MT1X: variants seen among roughly 807,000 people sequenced by gnomAD.
MT1X encodes the protein metallothionein 1X.
MT1X carries 7 observed loss-of-function variants against 8.6 expected under a neutral mutation model. The ratio of observed to expected loss-of-function variants is 0.81; its 90% confidence interval spans 0.46 to 1.52. The LOEUF (loss-of-function observed/expected upper bound fraction) is 1.52, where lower values mean the gene tolerates loss of function less well. Among genes scored for constraint, MT1X ranks in the 40% most tolerant of loss-of-function variants. MT1X has a pLI of 0.01. For missense variants in MT1X, 72 were observed against 74.3 expected (o/e 0.97, Z 0.11); for synonymous variants, 25 against 27.6 (o/e 0.91, Z 0.30).
At position 56,682,627 on chromosome 16, in the gene MT1X, C is replaced by A. The variant is rs139753640; in HGVS notation, c.28+59C>A. ...CCGTTTCCCAGCCACAGTACAGACT[C>A]TTCCTGGGTTTGAAGAAGTCGCATT... is the stretch of plus-strand genomic sequence containing the variant. On this transcript the variant is annotated intron_variant, in intron 1 of 2. Transcript: ENST00000394485. 136 of 1,600,364 alleles carry A rather than the reference C, an allele frequency of 8.5e-5. No individual in the cohort carries two copies. In the East Asian group the frequency reaches 3.0e-3, roughly 36 times the overall value.
At chr16:56,683,872 G>C in intron 2 of MT1X, 86 bp from the exon 3 acceptor site, 1 of 1,576,932 alleles carries the variant, frequency 6.3e-7, no homozygotes, top group Non-Finnish European at 8.6e-7. Context: ...TGGGGCTGGA[G>C]GCAGGGCTCG....
rs1961037145 is a variant in MT1X, at chr16:56,684,117, T to C, written c.*68T>C. 3 of 1,551,750 alleles carry C rather than the reference T, an allele frequency of 1.9e-6. No homozygotes were observed. In the East Asian group the frequency reaches 6.7e-5, roughly 35 times the overall value. ...TATAAACCTGGATTTTTTTTTTTTT[T>C]TTTTTTGTACAACCCTGACCCGTTT... On this transcript the variant is annotated 3_prime_UTR_variant, in exon 3 of 3. Transcript: ENST00000394485.
In MT1X at chr16:56,684,138, C is replaced by G; in HGVS notation, c.*89C>G. 1 of 1,414,684 alleles carries G rather than the reference C, an allele frequency of 7.1e-7. No individual in the cohort carries two copies. Among genetic ancestry groups the G allele is most frequent in the East Asian group, 2.4e-5 (1 of 42,410 alleles). The allele number at this position is 1,414,684 out of a possible 1,614,324, so 87.6% of individuals were successfully genotyped here. On this transcript the variant is annotated 3_prime_UTR_variant, in exon 3 of 3. Transcript: ENST00000394485. ...TTTTTTTTTTTGTACAACCCTGACC[C>G]GTTTGCTACATCTTTTTTTCTATGA...
chr16:56,682,571 A>G lies in MT1X; in HGVS notation c.28+3A>G, dbSNP rs113198601. ...CCCCAACTGCTCCTGCTCGCCTGGT[A>G]AGGGACACCTAGCTCCGCGCCTTGG... On this transcript the variant is annotated splice_donor_region_variant and intron_variant, in intron 1 of 2. Transcript: ENST00000394485. 5.8e-4 allele frequency: 936 copies of G among 1,614,120 alleles called. 5 individuals carry two copies. The African/African-American group carries it at 0.011, about 19-fold the overall frequency.
At chr16:56,683,036 C>G in intron 1 of MT1X, 129 bp from the exon 2 acceptor site, 4 of 1,127,992 alleles carry the variant, frequency 3.5e-6, no homozygotes, top group South Asian at 1.4e-5. Flanking sequence ...CTTCCTCTCC[C>G]CTGAGTGGGA....
intron 2 of MT1X, 27 bp downstream of exon 2, chr16:56,683,257 C>G: frequency 1.2e-6 from 2 of 1,613,394 alleles, no homozygotes; most frequent in South Asian, 2.2e-5. Flanking sequence ...CCCTGCGAAT[C>G]TGGGGGATGG....
At chr16:56,683,003 A>C in intron 1 of MT1X, 162 bp from the exon 2 acceptor site, 1 of 817,296 alleles carries the variant, frequency 1.2e-6, no homozygotes, top group South Asian at 1.7e-5. Context: ...TCCCAAAATG[A>C]AGGGAGAGGA....
At chr16:56,683,839 G>A in intron 2 of MT1X, 119 bp from the exon 3 acceptor site, 2 of 1,406,518 alleles carry the variant, frequency 1.4e-6, no homozygotes, top group Non-Finnish European at 2.0e-6. Context: ...ACAAAGCCAT[G>A]CCATCCTGAA....
At chr16:56,682,876 C>T in intron 1 of MT1X, 1 of 590,398 alleles carries the variant, frequency 1.7e-6, no homozygotes, top group South Asian at 2.1e-5. Flanking sequence ...AAGTGGGGGG[C>T]CATTGCCTCT....
intron 2 of MT1X, 33 bp from the exon 3 acceptor site, chr16:56,683,925 G>T (rs1166480278): frequency 6.2e-7 from 1 of 1,613,396 alleles, no homozygotes; most frequent in Non-Finnish European, 8.5e-7. Context: ...GATTGAGTCT[G>T]CTCTGACCTC....
intron 1 of MT1X, 182 bp from the exon 2 acceptor site, chr16:56,682,981 AAC>A (rs1464816413): frequency 1.4e-6 from 1 of 711,712 alleles, no homozygotes; most frequent in African/African-American, 1.8e-5. Context: ...AAAGCAACAG[AAC>A]ACTTGCCCTT....
chr16:56,683,378 T>A, intron 2 of MT1X, 148 bp downstream of exon 2: 1 of 872,148 alleles, frequency 1.1e-6, no homozygotes, highest in Non-Finnish European at 1.8e-6. Context: ...CAAATTGCCT[T>A]AAAAATGGGT....
In MT1X at chr16:56,684,070, C is replaced by T. The variant is rs1339961652; in HGVS notation, c.*21C>T. On this transcript the variant is annotated 3_prime_UTR_variant, in exon 3 of 3. Transcript: ENST00000394485. ...CCTGATGCCAGGACAGCTGTGCTCTCAGATGTAAATAGAGCAACCTATATA... is the reference window on the plus strand; with the variant it reads ...CCTGATGCCAGGACAGCTGTGCTCTTAGATGTAAATAGAGCAACCTATATA... 10 of 1,602,900 alleles carry T rather than the reference C, an allele frequency of 6.2e-6. No individual in the cohort carries two copies. The highest frequency in any genetic ancestry group is 1.4e-5 in the African/African-American group (1 of 74,048).
chr16:56,682,794 C>T (rs1483193489), intron 1 of MT1X: 2 of 617,984 alleles, frequency 3.2e-6, no homozygotes, highest in East Asian at 5.6e-5. Flanking sequence ...CTCCATGTCA[C>T]CCAGTTGGTC....
At chr16:56,683,132 T>A in intron 1 of MT1X, 33 bp from the exon 2 acceptor site, 1 of 1,613,176 alleles carries the variant, frequency 6.2e-7, no homozygotes. Context: ...TGCATCTCAC[T>A]CCACGCTCAC....
chr16:56,682,491 G>A lies in MT1X; in HGVS notation c.-50G>A, dbSNP rs1038135244. On this transcript the variant is annotated 5_prime_UTR_variant, in exon 1 of 3. Transcript: ENST00000394485. ...CTCCACCACGCTTTTCATCTGTCCC[G>A]CTGCGTGTTTTCCTCTTGATCGGGA... 1 of 1,610,560 alleles carries A rather than the reference G, an allele frequency of 6.2e-7. No individual in the cohort carries two copies. The highest frequency in any genetic ancestry group is 8.5e-7 in the Non-Finnish European group (1 of 1,176,806).
chr16:56,682,473 A>C lies in MT1X; in HGVS notation c.-68A>C. ...GAGCCGCCGGCTTCTGGGCTCCACC[A>C]CGCTTTTCATCTGTCCCGCTGCGTG... On this transcript the variant is annotated 5_prime_UTR_variant, in exon 1 of 3. Coordinates refer to ENST00000394485, the MANE Select transcript of MT1X (RefSeq NM_005952.4). 5.6e-6 allele frequency: 9 copies of C among 1,595,502 alleles called. No homozygotes were observed. Among genetic ancestry groups the C allele is most frequent in the Non-Finnish European group, 7.7e-6 (9 of 1,163,438 alleles).
rs756689443 is a variant in MT1X at position 56,684,058 on chromosome 16, C to T, written c.*9C>T. Reference sequence around the variant, plus strand: ...GCAGCTGCTGTGCCTGATGCCAGGACAGCTGTGCTCTCAGATGTAAATAGA... The same window carrying T: ...GCAGCTGCTGTGCCTGATGCCAGGATAGCTGTGCTCTCAGATGTAAATAGA... On this transcript the variant is annotated 3_prime_UTR_variant, in exon 3 of 3. Coordinates refer to ENST00000394485, the MANE Select transcript of MT1X (RefSeq NM_005952.4). The T allele has an allele frequency of 5.0e-6, 8 of 1,610,056 alleles. No homozygotes were observed. Among genetic ancestry groups the T allele is most frequent in the Non-Finnish European group, 6.8e-6 (8 of 1,178,148 alleles).
At position 56,684,022 on chromosome 16, in the gene MT1X, G is replaced by A. The variant is rs139329438; in HGVS notation, c.159G>A (p.Thr53=). Residue 53 remains threonine (T), a synonymous_variant, in exon 3 of 3, where the codon ACG becomes ACA. Transcript: ENST00000394485. ...CCCAGGGCTGCATCTGCAAAGGGAC[G>A]TCAGACAAGTGCAGCTGCTGTGCCT... ...KCAQGCICKG[T]SDKCSCCA The A allele has an allele frequency of 4.8e-5, 78 of 1,613,956 alleles. No individual in the cohort carries two copies. The Admixed American group carries it at 5.8e-4, about 12-fold the overall frequency.
Sources: gnomAD v4.1 joint callset for allele counts on GRCh38, gnomAD v4.1.1 for gene constraint, MANE v1.5 for transcripts, NCBI Gene and HGNC (gene_info 2026-07-23, HGNC 2026-07-21) for gene names.